Variants in CEP112 observed in about 807,000 individuals in gnomAD.
CEP112 encodes centrosomal protein of 112 kDa.
In CEP112, 127 loss-of-function variants were observed where a neutral mutation model predicts 153.0. The observed-to-expected ratio is 0.83, with a 90% CI of 0.72 to 0.96. The LOEUF (loss-of-function observed/expected upper bound fraction) is 0.96. CEP112 is among the 40% of genes least tolerant of loss of function. CEP112 has a pLI of 0.00. For synonymous variants in CEP112, 358 were observed against 374.4 expected (o/e 0.96, Z 0.51); for missense variants, 1,089 against 1,101.2 (o/e 0.99, Z 0.16).
chr17:65,635,842 T>A lies in CEP112; in HGVS notation c.*129A>T. 1.0e-6 allele frequency: 1 copy of A among 953,372 alleles called. No individual in the cohort carries two copies. The highest frequency in any genetic ancestry group is 1.6e-6 in the Non-Finnish European group (1 of 624,774). 59.1% of individuals were successfully genotyped at this position (953,372 alleles called of 1,614,324 possible). A position where few individuals can be genotyped will look rare whatever the true frequency, so the allele number is the denominator to read the frequency against. Reference sequence around the variant, plus strand: ...GTATGAATGATGCATGTTTTTATGATCTTAATTACATTTAAGGATTTAAAA... The same window carrying A: ...GTATGAATGATGCATGTTTTTATGAACTTAATTACATTTAAGGATTTAAAA... On this transcript the variant is annotated 3_prime_UTR_variant, in exon 27 of 27. Transcript: ENST00000535342.
chr17:65,648,357 A>G (rs1453167712), intron 24 of CEP112, among the ~76,000 whole-genome samples: 1 of 152,248 alleles, frequency 6.6e-6, no homozygotes, highest in Non-Finnish European at 1.5e-5. Context: ...TGACTCCTGT[A>G]AGCTGAGTGG....
At chr17:66,000,666 T>C (rs1341117745) in intron 17 of CEP112, among the ~76,000 whole-genome samples, 1 of 152,108 alleles carries the variant, frequency 6.6e-6, no homozygotes, top group Admixed American at 6.6e-5. Context: ...TGCTCATTTG[T>C]GCATGATATT....
chr17:65,723,586 G>C (rs574919658), intron 23 of CEP112, among the ~76,000 whole-genome samples: 1 of 152,178 alleles, frequency 6.6e-6, no homozygotes, highest in South Asian at 2.1e-4. Flanking sequence ...TACTAGAAAC[G>C]GCAAGAATAT....
At chr17:65,703,106 A>G (rs182939863) in intron 23 of CEP112, among the ~76,000 whole-genome samples, 1 of 152,306 alleles carries the variant, frequency 6.6e-6, no homozygotes, top group Non-Finnish European at 1.5e-5. Context: ...ACCCCTGTGC[A>G]TAAGAGGGGA....
rs546394053 is a variant in CEP112 at position 65,848,077 on chromosome 17, T to C, written c.2394+3727A>G. ...ACAAGCCATCAATGATCTCTGATTC[T>C]TCACGTCATTAAGCTGTTCCTCTCC... On this transcript the variant is annotated intron_variant, in intron 21 of 26. Transcript: ENST00000535342. Among the ~76,000 whole-genome samples, 86 of 152,362 alleles carry C rather than the reference T, an allele frequency of 5.6e-4. 1 individual carries two copies. In the Middle Eastern group the frequency reaches 0.01, roughly 18 times the overall value.
intron 23 of CEP112, among the ~76,000 whole-genome samples, chr17:65,701,790 C>T (rs1042321462): frequency 6.6e-6 from 1 of 151,916 alleles, no homozygotes; most frequent in African/African-American, 2.4e-5. Context: ...GTCATTCATT[C>T]AATTACCAAG....
At chr17:65,969,958 AAATGT>A (rs1184215364) in intron 17 of CEP112, among the ~76,000 whole-genome samples, 1 of 152,168 alleles carries the variant, frequency 6.6e-6, no homozygotes, top group Non-Finnish European at 1.5e-5. Flanking sequence ...CAGGTATATT[AAATGT>A]ATGTATAACA....
chr17:66,175,306 C>G (rs2077417941), intron 3 of CEP112, 90 bp from the exon 4 acceptor site: 1 of 828,700 alleles, frequency 1.2e-6, no homozygotes, highest in Admixed American at 3.8e-5. Flanking sequence ...TTGAAAACAG[C>G]CTTTCAAATA....
intron 24 of CEP112, among the ~76,000 whole-genome samples, chr17:65,648,160 A>C (rs2045542414): frequency 6.6e-6 from 1 of 152,122 alleles, no homozygotes; most frequent in Non-Finnish European, 1.5e-5. Context: ...CATCATCCTC[A>C]AAAAGCACTG....
At chr17:65,937,553 TCCGGG>T (rs2061367365) in intron 18 of CEP112, among the ~76,000 whole-genome samples, 1 of 97,956 alleles carries the variant, frequency 1.0e-5, no homozygotes, top group African/African-American at 3.6e-5. Context: ...AGCCGCCCCG[TCCGGG>T]AGGGAGGTGG....
At chr17:66,068,540 C>A (rs143217943) in intron 9 of CEP112, among the ~76,000 whole-genome samples, 1 of 152,280 alleles carries the variant, frequency 6.6e-6, no homozygotes, top group Non-Finnish European at 1.5e-5. Context: ...CTTGCCAATT[C>A]CTGATGCTTA....
intron 12 of CEP112, 30 bp from the exon 13 acceptor site, chr17:66,030,053 C>T: frequency 6.3e-7 from 1 of 1,597,236 alleles, no homozygotes. Context: ...TTAAGAAAGT[C>T]TCTGACTCAG....
At chr17:66,123,246 A>T (rs1178433684) in intron 6 of CEP112, among the ~76,000 whole-genome samples, 1 of 152,168 alleles carries the variant, frequency 6.6e-6, no homozygotes, top group Non-Finnish European at 1.5e-5. Context: ...CTTTCCCCCA[A>T]CCACTAAGCT....
At chr17:66,020,831 C>T (rs1462586510) in intron 16 of CEP112, among the ~76,000 whole-genome samples, 1 of 152,032 alleles carries the variant, frequency 6.6e-6, no homozygotes, top group East Asian at 1.9e-4. Context: ...CTGTTTTTCC[C>T]GAGATGGTGG....
chr17:65,657,297 C>T (rs1031696997), intron 24 of CEP112, among the ~76,000 whole-genome samples: 3 of 152,052 alleles, frequency 2.0e-5, no homozygotes, highest in African/African-American at 4.8e-5. Flanking sequence ...AATAACATTC[C>T]TAATATTTTT....
intron 18 of CEP112, 23 bp downstream of exon 18, chr17:65,961,440 G>A: frequency 6.4e-7 from 1 of 1,568,548 alleles, no homozygotes; most frequent in Non-Finnish European, 8.7e-7. Context: ...CTTTCAAAAG[G>A]GATGGTGTGG....
intron 23 of CEP112, among the ~76,000 whole-genome samples, chr17:65,717,473 C>T (rs1033675548): frequency 3.3e-5 from 5 of 152,142 alleles, no homozygotes; most frequent in Non-Finnish European, 5.9e-5. Context: ...CATATTATGA[C>T]GACTATCCTT....
intron 23 of CEP112, among the ~76,000 whole-genome samples, chr17:65,693,504 C>T (rs1365688260): frequency 6.7e-6 from 1 of 149,952 alleles, no homozygotes; most frequent in Admixed American, 6.7e-5. Flanking sequence ...AGACAACAGG[C>T]CTGGAAAGAG....
At chr17:65,706,796 T>C (rs535748150) in intron 23 of CEP112, among the ~76,000 whole-genome samples, 1 of 152,356 alleles carries the variant, frequency 6.6e-6, no homozygotes, top group South Asian at 2.1e-4. Context: ...ATTGCCCTTG[T>C]CTCTTTTCCT....
Sources: gnomAD v4.1 joint callset for allele counts (sites outside exome capture counted in the v4.1 genomes callset) on GRCh38, gnomAD v4.1.1 for gene constraint, MANE v1.5 for transcripts, NCBI Gene and HGNC (gene_info 2026-07-23, HGNC 2026-07-21) for gene names.